Variants in EML6 observed in about 807,000 individuals in gnomAD.
EML6 encodes the protein echinoderm microtubule-associated protein-like 6.
Under a neutral mutation model 240.1 loss-of-function variants are expected in EML6, and 154 were observed. The ratio of observed to expected loss-of-function variants is 0.64; its 90% CI spans 0.56 to 0.73. The LOEUF (loss-of-function observed/expected upper bound fraction) is 0.73. EML6 is among the 30% of genes least tolerant of loss of function. EML6 has a pLI of 0.00. For missense variants in EML6, 2,964 were observed against 2,474.6 expected (o/e 1.20, Z -4.20); for synonymous variants, 1,148 against 899.0 (o/e 1.28, Z -4.95).
At chr2:54,838,667 G>A (rs372338622) in intron 7 of EML6, among the ~76,000 whole-genome samples, 7 of 152,250 alleles carry the variant, frequency 4.6e-5, no homozygotes, top group South Asian at 2.1e-4. Flanking sequence ...TCAGGGCCAC[G>A]GACTGGTGAG....
intron 7 of EML6, among the ~76,000 whole-genome samples, chr2:54,831,982 G>GT (rs1401240671): frequency 1.3e-5 from 2 of 152,170 alleles, no homozygotes; most frequent in Non-Finnish European, 2.9e-5. Flanking sequence ...ACTAATATTT[G>GT]TGACATGAGT....
chr2:54,924,975 C>A (rs1313520249), intron 26 of EML6, among the ~76,000 whole-genome samples: 1 of 152,196 alleles, frequency 6.6e-6, no homozygotes, highest in East Asian at 1.9e-4. Context: ...ACTGCTATCA[C>A]TCTGTTGAAC....
intron 28 of EML6, among the ~76,000 whole-genome samples, chr2:54,939,236 C>T (rs773982332): frequency 2.0e-5 from 3 of 152,194 alleles, no homozygotes; most frequent in Non-Finnish European, 4.4e-5. Context: ...GTCATCCTTC[C>T]AGCGCTCAGG....
rs571729867 is a variant in EML6 at position 54,748,274 on chromosome 2, G to A, written c.197+23016G>A. On this transcript the variant is annotated intron_variant, in intron 2 of 41. Transcript: ENST00000356458. ...GAAAAGATTTGCCCCAGTACCTTTG[G>A]TGGGCATAATTTTTATATGATTCTT... The A allele has an allele frequency of 2.6e-5, 4 of 152,250 alleles. No individual in the cohort carries two copies. The South Asian group carries it at 8.3e-4, about 32-fold the overall frequency. 9.4% of individuals were successfully genotyped at this position (152,250 alleles called of 1,614,324 possible).
intron 2 of EML6, among the ~76,000 whole-genome samples, chr2:54,802,538 G>C (rs1670211051): frequency 6.6e-6 from 1 of 151,836 alleles, no homozygotes; most frequent in African/African-American, 2.4e-5. Flanking sequence ...GAGATGGGAG[G>C]ATCACTGAGC....
chr2:54,919,525 C>A (rs1674111949), intron 26 of EML6, among the ~76,000 whole-genome samples: 1 of 152,250 alleles, frequency 6.6e-6, no homozygotes, highest in Admixed American at 6.5e-5. Context: ...GTTCATTGCC[C>A]ATCCCAAAGC....
chr2:54,924,014 T>A (rs567880940), intron 26 of EML6, among the ~76,000 whole-genome samples: 12 of 152,360 alleles, frequency 7.9e-5, no homozygotes, highest in African/African-American at 2.9e-4. Flanking sequence ...AACAGGTTGT[T>A]CATCCATATT....
intron 7 of EML6, among the ~76,000 whole-genome samples, chr2:54,843,429 A>G (rs1669567498): frequency 6.6e-6 from 1 of 152,144 alleles, no homozygotes; most frequent in Admixed American, 6.5e-5. Flanking sequence ...TTGTCTCTAA[A>G]AAATAAAAAC....
At chr2:54,826,611 C>A (rs13421276) in intron 5 of EML6, among the ~76,000 whole-genome samples, 33,586 of 152,000 alleles carry the variant, frequency 0.22, 4,123 homozygotes, top group East Asian at 0.48. Flanking sequence ...ACCTGCCCCC[C>A]CAAAAAAACT....
At chr2:54,955,428 A>T (rs539819074) in intron 32 of EML6, among the ~76,000 whole-genome samples, 2 of 152,150 alleles carry the variant, frequency 1.3e-5, no homozygotes, top group Admixed American at 6.5e-5. Context: ...ACTTTCAAGG[A>T]TGTGGCTCTC....
At chr2:54,873,011 C>T (rs997964980) in intron 16 of EML6, among the ~76,000 whole-genome samples, 1 of 152,164 alleles carries the variant, frequency 6.6e-6, no homozygotes, top group Admixed American at 6.5e-5. Flanking sequence ...GTCTGGTCCC[C>T]ACTGCACATG....
Position 54,829,337 on chromosome 2 carries a change from A to C in EML6, c.712-5A>C. 1 of 1,551,436 alleles carries C rather than the reference A, an allele frequency of 6.4e-7. No homozygotes were observed. The highest frequency in any genetic ancestry group is 1.2e-5 in the South Asian group (1 of 84,010). On this transcript the variant is annotated splice_polypyrimidine_tract_variant and splice_region_variant and intron_variant, in intron 6 of 41. Transcript: ENST00000356458. Reference sequence around the variant, plus strand: ...CCATTGAGTATTACCTGTTTTAATCAACAGGCTGGAATCTTTAGCATGTAT... The same window carrying C: ...CCATTGAGTATTACCTGTTTTAATCCACAGGCTGGAATCTTTAGCATGTAT...
chr2:54,858,916 C>G (rs1670529933), intron 11 of EML6, among the ~76,000 whole-genome samples: 1 of 152,150 alleles, frequency 6.6e-6, no homozygotes, highest in Non-Finnish European at 1.5e-5. Context: ...GGTTCTAGGC[C>G]TCCATGTAAG....
At chr2:54,960,585 G>T (rs957717878) in intron 35 of EML6, among the ~76,000 whole-genome samples, 2 of 152,124 alleles carry the variant, frequency 1.3e-5, no homozygotes, top group African/African-American at 4.8e-5. Context: ...TTTTGTGAGG[G>T]TCACATATTT....
At chr2:54,860,856 A>G (rs1670636075) in intron 12 of EML6, among the ~76,000 whole-genome samples, 1 of 152,148 alleles carries the variant, frequency 6.6e-6, no homozygotes. Context: ...TGAATGCCCA[A>G]CTTTTACAGC....
intron 7 of EML6, among the ~76,000 whole-genome samples, chr2:54,830,158 T>A (rs1668796016): frequency 6.6e-6 from 1 of 152,216 alleles, no homozygotes; most frequent in African/African-American, 2.4e-5. Context: ...ATACAATACA[T>A]CTTTTAAAAT....
chr2:54,767,721 C>T (rs1243163804), intron 2 of EML6, among the ~76,000 whole-genome samples: 1 of 151,700 alleles, frequency 6.6e-6, no homozygotes, highest in Non-Finnish European at 1.5e-5. Flanking sequence ...TTATATTGCC[C>T]AGGCTGGTGT....
intron 17 of EML6, among the ~76,000 whole-genome samples, chr2:54,887,305 ATCATTCATTCT>A (rs1261430326): frequency 6.6e-6 from 1 of 152,186 alleles, no homozygotes; most frequent in Non-Finnish European, 1.5e-5. Flanking sequence ...TTCTAATTTT[ATCATTCATTCT>A]TCACGTTAGC....
At chr2:54,931,395 C>T (rs962016847) in intron 28 of EML6, among the ~76,000 whole-genome samples, 2 of 152,168 alleles carry the variant, frequency 1.3e-5, no homozygotes, top group Admixed American at 1.3e-4. Context: ...TAGTCCTCAT[C>T]TAGGGTATAA....
Sources: allele counts gnomAD v4.1 joint callset (sites outside exome capture counted in the v4.1 genomes callset), GRCh38; gene constraint gnomAD v4.1.1; transcripts MANE v1.5; gene names NCBI Gene and HGNC (gene_info 2026-07-23, HGNC 2026-07-21).